LRMDA: variants seen among roughly 807,000 people sequenced by gnomAD.
LRMDA encodes leucine rich melanocyte differentiation associated, also known as leucine-rich melanocyte differentiation-associated protein.
LRMDA carries 18 observed loss-of-function variants against 29.8 expected under a neutral mutation model. That is an observed-to-expected ratio of 0.60 (90% CI 0.42 to 0.90). The LOEUF (loss-of-function observed/expected upper bound fraction) is 0.90. LRMDA is among the 40% of genes least tolerant of loss of function. LRMDA has a pLI of 0.00. For synonymous variants in LRMDA, 125 were observed against 109.4 expected (o/e 1.14, Z -0.89); for missense variants, 273 against 273.9 (o/e 1.00, Z 0.02).
chr10:75,499,668 A>T (rs550710068), intron 2 of LRMDA, among the ~76,000 whole-genome samples: 183 of 152,288 alleles, frequency 1.2e-3, no homozygotes, highest in African/African-American at 4.1e-3. Flanking sequence ...TTGGGCTGGG[A>T]GTTGGCCTGA....
At chr10:75,707,850 C>CT (rs890866219) in intron 2 of LRMDA, among the ~76,000 whole-genome samples, 7 of 152,078 alleles carry the variant, frequency 4.6e-5, no homozygotes, top group African/African-American at 1.7e-4. Context: ...GGGACTGGGG[C>CT]TTTTTTGCCT....
chr10:75,460,196 A>G (rs1472782133), intron 2 of LRMDA, among the ~76,000 whole-genome samples: 2 of 152,182 alleles, frequency 1.3e-5, no homozygotes, highest in African/African-American at 4.8e-5. Flanking sequence ...TTATTGTTTA[A>G]ATAATTGTAA....
In LRMDA at chr10:75,975,603, C is replaced by G. The variant is rs138041943; in HGVS notation, c.132-60405C>G. Among the ~76,000 whole-genome samples the G allele has an allele frequency of 5.3e-3, 800 of 152,294 alleles. 7 individuals are homozygous for G. Among genetic ancestry groups the G allele is most frequent in the African/African-American group, 0.018 (762 of 41,552 alleles). On this transcript the variant is annotated intron_variant, in intron 2 of 6. Coordinates refer to ENST00000611255, the MANE Select transcript of LRMDA (RefSeq NM_001305581.2). Reference sequence around the variant, plus strand: ...TCTGTGGCCTTCCATGAAAACTGCCCATGGCATGCTCTCCTTTCTTTGGGC... The same window carrying G: ...TCTGTGGCCTTCCATGAAAACTGCCGATGGCATGCTCTCCTTTCTTTGGGC...
At chr10:76,086,161 G>A (rs954194974) in intron 5 of LRMDA, among the ~76,000 whole-genome samples, 2 of 152,188 alleles carry the variant, frequency 1.3e-5, no homozygotes, top group African/African-American at 4.8e-5. Context: ...GTTACTTCGT[G>A]AGTTCAGAGC....
intron 2 of LRMDA, among the ~76,000 whole-genome samples, chr10:75,729,861 G>A (rs1412943211): frequency 2.0e-5 from 3 of 152,152 alleles, no homozygotes; most frequent in Non-Finnish European, 2.9e-5. Context: ...GCAGTAGCAC[G>A]ATCATAGCTC....
At chr10:76,008,145 T>C (rs1263466563) in intron 2 of LRMDA, among the ~76,000 whole-genome samples, 1 of 152,172 alleles carries the variant, frequency 6.6e-6, no homozygotes, top group Non-Finnish European at 1.5e-5. Flanking sequence ...AAAACTCCCA[T>C]TGCCGGGGTG....
At chr10:75,691,592 T>C (rs1564541344) in intron 2 of LRMDA, among the ~76,000 whole-genome samples, 1 of 152,158 alleles carries the variant, frequency 6.6e-6, no homozygotes, top group African/African-American at 2.4e-5. Context: ...GTGGCCAATT[T>C]CATTCTATCA....
chr10:76,334,664 C>A (rs1840945517), intron 6 of LRMDA, among the ~76,000 whole-genome samples: 1 of 152,060 alleles, frequency 6.6e-6, no homozygotes, highest in Non-Finnish European at 1.5e-5. Flanking sequence ...TTTCCAATAA[C>A]CTTGGATTTG....
chr10:75,836,292 T>C (rs959777652), intron 2 of LRMDA, among the ~76,000 whole-genome samples: 7 of 151,724 alleles, frequency 4.6e-5, no homozygotes, highest in African/African-American at 1.7e-4. Flanking sequence ...CTCAAGAGAG[T>C]TGGAAGTGAT....
chr10:76,165,762 C>T (rs541290625), intron 5 of LRMDA, among the ~76,000 whole-genome samples: 1 of 152,158 alleles, frequency 6.6e-6, no homozygotes, highest in Non-Finnish European at 1.5e-5. Flanking sequence ...ATCATGAGAA[C>T]AATATGAGGG....
At chr10:75,477,815 T>C (rs1334295077) in intron 2 of LRMDA, among the ~76,000 whole-genome samples, 1 of 152,254 alleles carries the variant, frequency 6.6e-6, no homozygotes, top group African/African-American at 2.4e-5. Context: ...GAGGACTGTG[T>C]CACCCAGGCA....
intron 5 of LRMDA, among the ~76,000 whole-genome samples, chr10:76,171,406 T>C (rs938950661): frequency 1.3e-5 from 2 of 152,248 alleles, no homozygotes; most frequent in Non-Finnish European, 2.9e-5. Flanking sequence ...CCCAAAGTGC[T>C]GGGATTACAG....
Position 75,909,263 on chromosome 10 carries a change from G to T in LRMDA, c.132-126745G>T, listed in dbSNP as rs572752444. On this transcript the variant is annotated intron_variant, in intron 2 of 6. Coordinates refer to ENST00000611255, the MANE Select transcript of LRMDA (RefSeq NM_001305581.2). The stretch of plus-strand genomic sequence containing the variant: ...TTTTGAAATATCTAGTGAAATAGCA[G>T]ATTTAAACTTTTATATTTCAGTAGG... 7.9e-5 allele frequency among the ~76,000 whole-genome samples: 12 copies of T among 152,272 alleles called. No homozygotes were observed. In the East Asian group the frequency reaches 2.3e-3, roughly 29 times the overall value.
rs1163011981 is a variant in LRMDA at position 76,295,647 on chromosome 10, AC to A, written c.517-28751del. ...CTGATTCTAGCTCTCCTCTCTGGTAACCCTTATAACCAATAAGTGCTAAAAG... is the reference window on the plus strand; with the variant it reads ...CTGATTCTAGCTCTCCTCTCTGGTAACCTTATAACCAATAAGTGCTAAAAG... On this transcript the variant is annotated intron_variant, in intron 5 of 6. Transcript: ENST00000611255. Among the ~76,000 whole-genome samples the A allele has an allele frequency of 1.1e-4, 17 of 152,274 alleles. No individual in the cohort carries two copies. The East Asian group carries it at 1.4e-3, about 12-fold the overall frequency.
Position 76,554,564 on chromosome 10 carries a change from A to G in LRMDA, c.602-2645A>G, listed in dbSNP as rs911833784. Reference sequence around the variant, plus strand: ...AGCCGCAGTCTCCTGCATTCATCAAACAGCCTTCTCTCACCAGGATGTCTA... The same window carrying G: ...AGCCGCAGTCTCCTGCATTCATCAAGCAGCCTTCTCTCACCAGGATGTCTA... On this transcript the variant is annotated intron_variant, in intron 6 of 6. Coordinates refer to ENST00000611255, the MANE Select transcript of LRMDA (RefSeq NM_001305581.2). Among the ~76,000 whole-genome samples, 3 of 152,166 alleles carry G rather than the reference A, an allele frequency of 2.0e-5. No homozygotes were observed. In the East Asian group the frequency reaches 5.8e-4, roughly 29 times the overall value.
chr10:75,622,643 T>C (rs892974334), intron 2 of LRMDA, among the ~76,000 whole-genome samples: 1 of 152,178 alleles, frequency 6.6e-6, no homozygotes, highest in Non-Finnish European at 1.5e-5. Context: ...TCTTAAACTC[T>C]ATGTGACATT....
At chr10:76,256,142 G>A (rs1312282155) in intron 5 of LRMDA, among the ~76,000 whole-genome samples, 1 of 152,178 alleles carries the variant, frequency 6.6e-6, no homozygotes, top group African/African-American at 2.4e-5. Context: ...TTGGTCCAGA[G>A]AACCATAATA....
chr10:75,826,092 A>G (rs900885320), intron 2 of LRMDA, among the ~76,000 whole-genome samples: 2 of 152,126 alleles, frequency 1.3e-5, no homozygotes, highest in African/African-American at 4.8e-5. Context: ...TTCTTATAAC[A>G]TAGGTGGAAT....
intron 6 of LRMDA, among the ~76,000 whole-genome samples, chr10:76,546,328 T>C (rs2132390402): frequency 6.6e-6 from 1 of 152,328 alleles, no homozygotes; most frequent in South Asian, 2.1e-4. Context: ...ATCTCCTAAC[T>C]GTACTATCCT....
Sources: allele counts gnomAD v4.1 joint callset (sites outside exome capture counted in the v4.1 genomes callset), GRCh38; gene constraint gnomAD v4.1.1; transcripts MANE v1.5; gene names NCBI Gene and HGNC (gene_info 2026-07-23, HGNC 2026-07-21).